Variants in SQOR observed in about 807,000 individuals in gnomAD.
SQOR encodes sulfide quinone oxidoreductase.
In SQOR, 39 loss-of-function variants were observed where a neutral mutation model predicts 48.6. The ratio of observed to expected loss-of-function variants is 0.80; its 90% CI spans 0.62 to 1.05. The LOEUF (loss-of-function observed/expected upper bound fraction) is 1.05, where lower values mean the gene tolerates loss of function less well. Ranked by LOEUF, SQOR falls within the 50% of genes least tolerant of loss-of-function variation. The pLI is 0.00. For missense variants in SQOR, 561 were observed against 559.9 expected, an observed-to-expected ratio of 1.00 and a Z score of -0.02; for synonymous variants, 220 against 206.2, an observed-to-expected ratio of 1.07 and a Z score of -0.57.
intron 3 of SQOR, among the ~76,000 whole-genome samples, chr15:45,667,559 C>T (rs1889855834): frequency 6.6e-6 from 1 of 152,170 alleles, no homozygotes; most frequent in South Asian, 2.1e-4. Flanking sequence ...AAAACTTGAA[C>T]TCATTCAAAA....
Position 45,689,113 on chromosome 15 carries a change from A to C in SQOR, c.1191A>C (p.Ala397=). Residue 397 remains alanine (A), a synonymous_variant, in exon 9 of 10, where the codon GCA becomes GCC. Coordinates refer to ENST00000260324, the MANE Select transcript of SQOR (RefSeq NM_021199.4). ...TTCTTGCTGAGTTTGACTACAAAGC[A>C]GAGCCGCTAGAAACCTTCCCCTTTG... ...RVILAEFDYK[A]EPLETFPFDQ... 1 of 1,614,198 alleles carries C rather than the reference A, an allele frequency of 6.2e-7. No individual in the cohort carries two copies. The highest frequency in any genetic ancestry group is 8.5e-7 in the Non-Finnish European group (1 of 1,180,038).
intron 1 of SQOR, among the ~76,000 whole-genome samples, chr15:45,643,003 A>G (rs1309674582): frequency 6.6e-6 from 1 of 152,126 alleles, no homozygotes; most frequent in African/African-American, 2.4e-5. Flanking sequence ...CAGGAGGGTT[A>G]ATTTGTTCCA....
At chr15:45,640,835 C>T (rs898063965) in intron 1 of SQOR, among the ~76,000 whole-genome samples, 8 of 152,124 alleles carry the variant, frequency 5.3e-5, no homozygotes, top group Admixed American at 5.2e-4. Context: ...CTTCTTTTTC[C>T]AGTGAGTCAT....
intron 4 of SQOR, 140 bp from the exon 5 acceptor site, chr15:45,673,467 C>T: frequency 1.1e-6 from 1 of 918,952 alleles, no homozygotes; most frequent in Non-Finnish European, 1.7e-6. Context: ...CCCTCACCCA[C>T]CTGCCTGCTC....
chr15:45,646,071 T>C (rs1026893762), intron 1 of SQOR: 1 of 152,270 alleles, frequency 6.6e-6, no homozygotes, highest in Non-Finnish European at 1.5e-5. Flanking sequence ...TAATTTTGTA[T>C]TGGTAATTTT....
intron 7 of SQOR, among the ~76,000 whole-genome samples, chr15:45,683,872 G>A (rs907841766): frequency 1.4e-5 from 2 of 147,280 alleles, no homozygotes; most frequent in Admixed American, 6.8e-5. Context: ...GTGTGTGTGT[G>A]TACATATATA....
rs548975159 is a variant in SQOR at position 45,664,462 on chromosome 15, T to C, written c.405+2337T>C. 3.9e-5 allele frequency among the ~76,000 whole-genome samples: 6 copies of C among 152,236 alleles called. No homozygotes were observed. The South Asian group carries it at 1.2e-3, about 32-fold the overall frequency. ...CCCCCCCATCCTCATGTCCCTCAAT[T>C]CTTCCTCACATTTCATGGTTTCCAG... On this transcript the variant is annotated intron_variant, in intron 3 of 9. Transcript: ENST00000260324.
intron 7 of SQOR, among the ~76,000 whole-genome samples, chr15:45,685,073 G>C (rs1252100108): frequency 6.6e-6 from 1 of 152,034 alleles, no homozygotes; most frequent in Non-Finnish European, 1.5e-5. Flanking sequence ...TATTTAGGTT[G>C]GTGCAAAAGT....
chr15:45,660,232 G>A (rs1247572327), intron 2 of SQOR, among the ~76,000 whole-genome samples: 1 of 152,208 alleles, frequency 6.6e-6, no homozygotes, highest in African/African-American at 2.4e-5. Flanking sequence ...GTTTCAGGGG[G>A]AGGACAGGAC....
chr15:45,681,305 G>C (rs11638261), intron 6 of SQOR, among the ~76,000 whole-genome samples: 25,875 of 152,200 alleles, frequency 0.17, 2,547 homozygotes, highest in Middle Eastern at 0.35. Flanking sequence ...CATGCATTCA[G>C]TTTCAACGTT....
intron 4 of SQOR, among the ~76,000 whole-genome samples, chr15:45,671,087 A>G (rs1168324679): frequency 6.6e-6 from 1 of 152,224 alleles, no homozygotes; most frequent in Admixed American, 6.5e-5. Flanking sequence ...AAACCAAGTC[A>G]CAGAGATATT....
Position 45,659,211 on chromosome 15 carries a change from AGTGT to A in SQOR, c.234+69_234+72del, listed in dbSNP as rs142512593. 2,530 of 1,094,952 alleles carry A rather than the reference AGTGT, an allele frequency of 2.3e-3. 15 individuals are homozygous for A. Among genetic ancestry groups the A allele is most frequent in the South Asian group, 0.013 (674 of 50,792 alleles). 67.8% of individuals were successfully genotyped at this position (1,094,952 alleles called of 1,614,324 possible). On this transcript the variant is annotated intron_variant, in intron 2 of 9. Transcript: ENST00000260324. ...GTGTGTGTACGTGTGTGTGTGTGTG[AGTGT>A]GTGTGTGTGTGTGTTCTGGGGTTGG...
upstream of SQOR, among the ~76,000 whole-genome samples, chr15:45,634,225 T>TATATATATATATATATATATA (rs1566912034): frequency 4.0e-3 from 502 of 125,554 alleles, no homozygotes; most frequent in Non-Finnish European, 5.5e-3. Flanking sequence ...TATATATATA[T>TATATATATATATATATATATA]TCAAAATTCA....
At chr15:45,649,843 TTTG>T (rs373496704) in intron 1 of SQOR, among the ~76,000 whole-genome samples, 318 of 150,932 alleles carry the variant, frequency 2.1e-3, no homozygotes, top group African/African-American at 5.2e-3. Context: ...GGCAATGCTT[TTTG>T]TTGTTGTTGT....
chr15:45,661,362 A>C (rs1889717631), intron 2 of SQOR, among the ~76,000 whole-genome samples: 1 of 149,800 alleles, frequency 6.7e-6, no homozygotes, highest in African/African-American at 2.4e-5. Flanking sequence ...AAGTTTGGGT[A>C]TGCATTGCAT....
intron 9 of SQOR, among the ~76,000 whole-genome samples, chr15:45,690,419 TGAGA>T (rs1267449238): frequency 6.6e-6 from 1 of 152,172 alleles, no homozygotes; most frequent in African/African-American, 2.4e-5. Flanking sequence ...TAAACCCATA[TGAGA>T]GAGAAATCTG....
intron 4 of SQOR, among the ~76,000 whole-genome samples, chr15:45,672,307 G>A (rs1194076658): frequency 2.0e-5 from 3 of 152,058 alleles, no homozygotes; most frequent in African/African-American, 7.2e-5. Flanking sequence ...GAAGTACATA[G>A]TGAATATCCA....
At chr15:45,677,039 T>TAAA (rs200916577) in intron 6 of SQOR, among the ~76,000 whole-genome samples, 2 of 127,142 alleles carry the variant, frequency 1.6e-5, no homozygotes, top group Non-Finnish European at 1.7e-5. Flanking sequence ...AGACTCCGTC[T>TAAA]AAAAAAAAAA....
At position 45,662,034 on chromosome 15, in the gene SQOR, G is replaced by A. The variant is rs770511605; in HGVS notation, c.314G>A (p.Ser105Asn). Residue 105 changes from serine to asparagine, a missense_variant, in exon 3 of 10, where the codon AGT becomes AAT. Coordinates refer to ENST00000260324, the MANE Select transcript of SQOR (RefSeq NM_021199.4). ...QLSSSGRPTA[S>N]VIPSGVEWIK... is the part of the protein sequence containing the mutation. ...TCCTCATCTGGTCGTCCCACGGCAA[G>A]TGTGATTCCATCTGGTGTAGAATGG... The A allele has an allele frequency of 1.9e-6, 3 of 1,614,246 alleles. No homozygotes were observed. The highest frequency in any genetic ancestry group is 4.5e-5 in the East Asian group (2 of 44,894).
Sources: gnomAD v4.1 joint callset for allele counts (sites outside exome capture counted in the v4.1 genomes callset) on GRCh38, gnomAD v4.1.1 for gene constraint, MANE v1.5 for transcripts, NCBI Gene and HGNC (gene_info 2026-07-23, HGNC 2026-07-21) for gene names.